ZRANB1: variants seen among roughly 807,000 people sequenced by gnomAD.
The protein encoded by ZRANB1 is ubiquitin thioesterase ZRANB1.
Under a neutral mutation model 80.5 loss-of-function variants are expected in ZRANB1, and 16 were observed. That is an observed-to-expected ratio of 0.20 (90% CI 0.13 to 0.30). The LOEUF is 0.30. Among genes scored for constraint, ZRANB1 ranks in the 10% least tolerant of loss-of-function variants. ZRANB1 has a pLI of 1.00. For missense variants in ZRANB1, 576 were observed against 862.6 expected, an observed-to-expected ratio of 0.67 and a Z score of 4.16; for synonymous variants, 291 against 293.1, an observed-to-expected ratio of 0.99 and a Z score of 0.07.
At chr10:124,941,739 A>G (rs1269627378), upstream of ZRANB1, among the ~76,000 whole-genome samples, 1 of 152,172 alleles carries the variant, frequency 6.6e-6, no homozygotes, top group African/African-American at 2.4e-5. Context: ...TGATTATGCT[A>G]CTGGTTATTT....
In ZRANB1 at chr10:124,976,520, C is replaced by A. The variant is rs183663104; in HGVS notation, c.1427+2122C>A. Among the ~76,000 whole-genome samples, 670 of 149,496 alleles carry A rather than the reference C, an allele frequency of 4.5e-3. 3 individuals are homozygous for A. Among genetic ancestry groups the A allele is most frequent in the Non-Finnish European group, 6.9e-3 (468 of 67,718 alleles). ...TGGTAAATCTACCACTTTGCAGGTT[C>A]TCTCTAAAAAGGCAGCCAGTAATCT... is the stretch of plus-strand genomic sequence containing the variant. On this transcript the variant is annotated intron_variant, in intron 5 of 8. Transcript: ENST00000359653.
the ZRANB1 span, among the ~76,000 whole-genome samples, chr10:124,920,069 C>T: frequency 2.6e-5 from 4 of 151,680 alleles, no homozygotes; most frequent in South Asian, 2.1e-4. Context: ...ATTACAGGCG[C>T]GTGCCACCAC....
the ZRANB1 span, among the ~76,000 whole-genome samples, chr10:124,926,155 G>C: frequency 6.6e-6 from 1 of 152,014 alleles, no homozygotes; most frequent in African/African-American, 2.4e-5. Flanking sequence ...AGTTGCTCTG[G>C]GTAAGTCAGT....
chr10:124,970,524 A>G (rs1951814719), intron 2 of ZRANB1, among the ~76,000 whole-genome samples: 1 of 152,158 alleles, frequency 6.6e-6, no homozygotes. Context: ...GGCCTCACAC[A>G]GTGCTGGGAT....
At chr10:124,930,720 A>T in the ZRANB1 span, among the ~76,000 whole-genome samples, 1 of 152,218 alleles carries the variant, frequency 6.6e-6, no homozygotes, top group Non-Finnish European at 1.5e-5. Context: ...TATTTGGAAG[A>T]GTAGCTGAGA....
intron 2 of ZRANB1, among the ~76,000 whole-genome samples, chr10:124,967,663 T>C (rs1391394196): frequency 6.6e-6 from 1 of 151,914 alleles, no homozygotes; most frequent in Non-Finnish European, 1.5e-5. Flanking sequence ...GGCAGAAGGG[T>C]AGCCATAGAA....
At chr10:124,935,663 C>G in the ZRANB1 span, among the ~76,000 whole-genome samples, 1 of 152,204 alleles carries the variant, frequency 6.6e-6, no homozygotes, top group African/African-American at 2.4e-5. Flanking sequence ...TGTTCAGTTG[C>G]TGCCATGGAG....
rs1951965637 is a variant in ZRANB1 at position 124,983,813 on chromosome 10, C to T, written c.1908+125C>T. 2.8e-6 allele frequency: 2 copies of T among 702,238 alleles called. No homozygotes were observed. Among genetic ancestry groups the T allele is most frequent in the Non-Finnish European group, 4.7e-6 (2 of 424,894 alleles). The allele number at this position is 702,238 out of a possible 1,614,324, so 43.5% of individuals were successfully genotyped here. On this transcript the variant is annotated intron_variant, in intron 8 of 8. Coordinates refer to ENST00000359653, the MANE Select transcript of ZRANB1 (RefSeq NM_017580.3). This position sits in a 1 kb window ranked among gnomAD's most constrained non-coding sequence, Gnocchi z 6.2. ...TTTCTGAATGTGATGGTAGTAATTG[C>T]TGAAGGTACTAGCTATACTTTGAAA...
chr10:124,969,268 C>T (rs545889195), intron 2 of ZRANB1, among the ~76,000 whole-genome samples: 6 of 152,230 alleles, frequency 3.9e-5, no homozygotes, highest in African/African-American at 9.6e-5. Flanking sequence ...TTCCGTGGGA[C>T]GTGTAGAACA....
At position 124,974,195 on chromosome 10, in the gene ZRANB1, T is replaced by C; in HGVS notation, c.1229-5T>C. The stretch of plus-strand genomic sequence containing the variant: ...AATGAACATGTATTTAAATCCATCG[T>C]ACAGAATTAGAAGAAGAATCTCCAA... On this transcript the variant is annotated splice_polypyrimidine_tract_variant and splice_region_variant and intron_variant, in intron 4 of 8. Transcript: ENST00000359653. 2 of 1,614,114 alleles carry C rather than the reference T, an allele frequency of 1.2e-6. No individual in the cohort carries two copies. The highest frequency in any genetic ancestry group is 1.7e-6 in the Non-Finnish European group (2 of 1,179,904).
rs1217157537 is a variant in ZRANB1 at position 124,986,289 on chromosome 10, GCGCACACACACACACACACA to G, written c.*1299_*1318del. On this transcript the variant is annotated 3_prime_UTR_variant, in exon 9 of 9. Coordinates refer to ENST00000359653, the MANE Select transcript of ZRANB1 (RefSeq NM_017580.3). ...AAAGACGACACACGCACGCGCGCGC[GCGCACACACACACACACACA>G]CACACACACACACAGTTTTTTCCTT... The G allele has an allele frequency of 5.8e-3, 625 of 108,438 alleles. 5 individuals are homozygous for G. The highest frequency in any genetic ancestry group is 0.022 in the African/African-American group (600 of 27,626). 6.7% of individuals were successfully genotyped at this position (108,438 alleles called of 1,614,324 possible).
At chr10:124,924,316 C>T in the ZRANB1 span, among the ~76,000 whole-genome samples, 19 of 150,130 alleles carry the variant, frequency 1.3e-4, no homozygotes, top group African/African-American at 4.2e-4. Context: ...AAAAAAGCAG[C>T]TTCATTGAGG....
chr10:124,917,695 A>G, the ZRANB1 span, among the ~76,000 whole-genome samples: 33 of 152,150 alleles, frequency 2.2e-4, no homozygotes, highest in Non-Finnish European at 4.1e-4. Context: ...CCAAACTTGT[A>G]TTTCAGTCCC....
At chr10:124,955,864 T>TC (rs1303259755) in intron 1 of ZRANB1, among the ~76,000 whole-genome samples, 6 of 152,200 alleles carry the variant, frequency 3.9e-5, no homozygotes, top group African/African-American at 1.2e-4. Context: ...CTCTTCCCTT[T>TC]CTACTATTAA....
At chr10:124,974,127 G>A (rs2133986978) in intron 4 of ZRANB1, 73 bp from the exon 5 acceptor site, 5 of 1,464,858 alleles carry the variant, frequency 3.4e-6, no homozygotes, top group Middle Eastern at 1.7e-4. Flanking sequence ...CTAGAAAATA[G>A]GTTCTTCTCC....
At chr10:124,931,410 G>A in the ZRANB1 span, among the ~76,000 whole-genome samples, 1 of 152,014 alleles carries the variant, frequency 6.6e-6, no homozygotes, top group Non-Finnish European at 1.5e-5. Context: ...TTGCTCTGTT[G>A]CCCAGGCTGG....
At chr10:124,967,820 A>G (rs558425134) in intron 2 of ZRANB1, among the ~76,000 whole-genome samples, 117 of 152,308 alleles carry the variant, frequency 7.7e-4, no homozygotes, top group African/African-American at 2.7e-3. Flanking sequence ...TCTGGCTTAC[A>G]TAACTAGGTA....
chr10:124,919,630 G>C, the ZRANB1 span, among the ~76,000 whole-genome samples: 1 of 25,770 alleles, frequency 3.9e-5, no homozygotes, highest in Non-Finnish European at 7.4e-5. Context: ...TTTTTTTTTT[G>C]AGATGTAGTC....
At chr10:124,935,915 G>A in the ZRANB1 span, among the ~76,000 whole-genome samples, 20 of 152,308 alleles carry the variant, frequency 1.3e-4, no homozygotes, top group East Asian at 3.5e-3. Flanking sequence ...ATATGAATTA[G>A]CGTTCCAAAA....
Sources: gnomAD v4.1 joint callset for allele counts (sites outside exome capture counted in the v4.1 genomes callset) on GRCh38, gnomAD v4.1.1 for gene constraint, Gnocchi (gnomAD v3.1) non-coding constraint, MANE v1.5 for transcripts, NCBI Gene and HGNC (gene_info 2026-07-23, HGNC 2026-07-21) for gene names.